The following MEOX2 variants were observed in gnomAD, a reference collection of about 807,000 sequenced individuals.
The protein encoded by MEOX2 is homeobox protein MOX-2.
In MEOX2, 11 loss-of-function variants were observed where a neutral mutation model predicts 27.0. That is an observed-to-expected ratio of 0.41 (90% CI 0.26 to 0.68). The LOEUF (loss-of-function observed/expected upper bound fraction) is 0.68. Among genes scored for constraint, MEOX2 ranks in the 30% least tolerant of loss-of-function variants. MEOX2 has a pLI of 0.33. For missense variants in MEOX2, 436 were observed against 385.4 expected, an observed-to-expected ratio of 1.13 and a Z score of -1.10; for synonymous variants, 189 against 155.4, an observed-to-expected ratio of 1.22 and a Z score of -1.61.
chr7:15,639,312 T>G (rs1323770595), intron 1 of MEOX2, among the ~76,000 whole-genome samples: 1 of 152,088 alleles, frequency 6.6e-6, no homozygotes, highest in Non-Finnish European at 1.5e-5. Context: ...TTTTTCTACT[T>G]TATAATGGGG....
rs764869318 is a variant in MEOX2 at position 15,658,180 on chromosome 7, A to T, written c.517+27706T>A. ...TGAAACCATCCTTTTGGGGAACAGG[A>T]TGAGTAACTCATTACTGCCAGTTGG... On this transcript the variant is annotated intron_variant, in intron 1 of 2. Coordinates refer to ENST00000262041, the MANE Select transcript of MEOX2 (RefSeq NM_005924.5). Among the ~76,000 whole-genome samples, 12 of 152,338 alleles carry T rather than the reference A, an allele frequency of 7.9e-5. No individual in the cohort carries two copies. In the East Asian group the frequency reaches 9.6e-4, roughly 12 times the overall value.
At chr7:15,616,122 A>G (rs576174929) in intron 2 of MEOX2, among the ~76,000 whole-genome samples, 2 of 151,980 alleles carry the variant, frequency 1.3e-5, no homozygotes, top group East Asian at 3.9e-4. Flanking sequence ...ACATGTATAT[A>G]CATATGAATA....
rs1473228212 is a variant in MEOX2, at chr7:15,669,588, A to G, written c.517+16298T>C. On this transcript the variant is annotated intron_variant, in intron 1 of 2. Coordinates refer to ENST00000262041, the MANE Select transcript of MEOX2 (RefSeq NM_005924.5). Reference sequence around the variant, plus strand: ...TGAATAGTCCTCCTGCTTCCCACATAGTCAAAACTCTGCAGTCGTGGCAGC... The same window carrying G: ...TGAATAGTCCTCCTGCTTCCCACATGGTCAAAACTCTGCAGTCGTGGCAGC... Among the ~76,000 whole-genome samples the G allele has an allele frequency of 2.0e-5, 3 of 152,312 alleles. No homozygotes were observed. The East Asian group carries it at 5.8e-4, about 29-fold the overall frequency.
At chr7:15,659,204 G>C (rs569084127) in intron 1 of MEOX2, among the ~76,000 whole-genome samples, 1 of 152,158 alleles carries the variant, frequency 6.6e-6, no homozygotes, top group East Asian at 1.9e-4. Flanking sequence ...AGATGAAGCA[G>C]AAGTCCAAAA....
intron 1 of MEOX2, among the ~76,000 whole-genome samples, chr7:15,635,430 G>A (rs948043798): frequency 6.6e-6 from 1 of 151,920 alleles, no homozygotes. Context: ...GATATTAAGA[G>A]CATCCTCTCT....
intron 2 of MEOX2, among the ~76,000 whole-genome samples, chr7:15,615,730 T>C (rs903671707): frequency 3.3e-5 from 5 of 152,076 alleles, no homozygotes; most frequent in Non-Finnish European, 7.4e-5. Context: ...TCATAAGCCT[T>C]TCAAGATTCC....
intron 1 of MEOX2, among the ~76,000 whole-genome samples, chr7:15,636,145 C>T (rs1781476035): frequency 6.6e-6 from 1 of 151,718 alleles, no homozygotes; most frequent in Non-Finnish European, 1.5e-5. Flanking sequence ...TTTTAGAAGA[C>T]CAAGATAAGA....
intron 1 of MEOX2, among the ~76,000 whole-genome samples, chr7:15,638,301 G>C (rs137902063): frequency 1.3e-4 from 20 of 152,102 alleles, no homozygotes; most frequent in African/African-American, 4.3e-4. Flanking sequence ...TTGCAGTCTA[G>C]TTTAAAGCAT....
At chr7:15,631,707 A>G (rs1348493058) in intron 1 of MEOX2, among the ~76,000 whole-genome samples, 1 of 151,830 alleles carries the variant, frequency 6.6e-6, no homozygotes, top group African/African-American at 2.4e-5. Flanking sequence ...AAACATTACA[A>G]TTGCTAACTT....
intron 1 of MEOX2, among the ~76,000 whole-genome samples, chr7:15,641,981 T>G (rs892953968): frequency 2.0e-5 from 3 of 152,196 alleles, no homozygotes; most frequent in African/African-American, 7.2e-5. Context: ...AGAAATCTTC[T>G]GTTAGTCTGA....
intron 1 of MEOX2, among the ~76,000 whole-genome samples, chr7:15,648,268 G>C (rs1452280411): frequency 1.3e-5 from 2 of 152,036 alleles, no homozygotes; most frequent in African/African-American, 4.8e-5. Context: ...AAGTAAAACT[G>C]AATGAGCATT....
intron 2 of MEOX2, among the ~76,000 whole-genome samples, chr7:15,615,072 A>T (rs544961061): frequency 6.6e-6 from 1 of 152,306 alleles, no homozygotes; most frequent in East Asian, 1.9e-4. Flanking sequence ...TTCACTAAAA[A>T]GTAGTTGACG....
chr7:15,632,702 T>A (rs1313491133), intron 1 of MEOX2, among the ~76,000 whole-genome samples: 1 of 151,918 alleles, frequency 6.6e-6, no homozygotes, highest in African/African-American at 2.4e-5. Context: ...ACTACCAACT[T>A]CAAAGCACTT....
At chr7:15,676,319 G>A (rs1222196990) in intron 1 of MEOX2, among the ~76,000 whole-genome samples, 1 of 152,126 alleles carries the variant, frequency 6.6e-6, no homozygotes, top group Admixed American at 6.5e-5. Flanking sequence ...GGACATACAT[G>A]TTTTCAGCTT....
intron 1 of MEOX2, among the ~76,000 whole-genome samples, chr7:15,682,171 C>G (rs1782302829): frequency 6.6e-6 from 1 of 151,682 alleles, no homozygotes. Context: ...TTCAATACTT[C>G]ACTTTAATCT....
At chr7:15,638,041 C>A (rs1781511023) in intron 1 of MEOX2, among the ~76,000 whole-genome samples, 1 of 152,046 alleles carries the variant, frequency 6.6e-6, no homozygotes, top group South Asian at 2.1e-4. Flanking sequence ...AATCATTTAA[C>A]TTTCATTTGA....
At position 15,680,248 on chromosome 7, in the gene MEOX2, G is replaced by A. The variant is rs188079631; in HGVS notation, c.517+5638C>T. On this transcript the variant is annotated intron_variant, in intron 1 of 2. Coordinates refer to ENST00000262041, the MANE Select transcript of MEOX2 (RefSeq NM_005924.5). ...AACATAAAAACAACATCTGAGATGAGCACAAATGGATCAATAGATACATTA... is the reference window on the plus strand; with the variant it reads ...AACATAAAAACAACATCTGAGATGAACACAAATGGATCAATAGATACATTA... 6.6e-5 allele frequency: 10 copies of A among 151,838 alleles called. No homozygotes were observed. The East Asian group carries it at 1.7e-3, about 26-fold the overall frequency. The allele number at this position is 151,838 out of a possible 1,614,324, so 9.4% of individuals were successfully genotyped here.
chr7:15,643,413 G>A (rs1216017005), intron 1 of MEOX2, among the ~76,000 whole-genome samples: 2 of 152,190 alleles, frequency 1.3e-5, no homozygotes, highest in Admixed American at 6.5e-5. Flanking sequence ...TCAAGGTCTA[G>A]GGGCAGCTCT....
chr7:15,644,458 TC>T lies in MEOX2; in HGVS notation c.518-17541del, dbSNP rs537979733. 3.8e-3 allele frequency among the ~76,000 whole-genome samples: 572 copies of T among 152,234 alleles called. 6 individuals carry two copies. The highest frequency in any genetic ancestry group is 0.013 in the African/African-American group (539 of 41,548). On this transcript the variant is annotated intron_variant, in intron 1 of 2. Transcript: ENST00000262041. ...TCACAAGGAATCTAAAAGAGCAAAA[TC>T]CTTATATGCCTGAAACAGAGGAGGA...
Sources: gnomAD v4.1 joint callset for allele counts (sites outside exome capture counted in the v4.1 genomes callset) on GRCh38, gnomAD v4.1.1 for gene constraint, MANE v1.5 for transcripts, NCBI Gene and HGNC (gene_info 2026-07-23, HGNC 2026-07-21) for gene names.